Variants in ARHGAP42 observed in about 807,000 individuals in gnomAD.
ARHGAP42 encodes Rho GTPase activating protein 42.
In ARHGAP42, 63 loss-of-function variants were observed where a neutral mutation model predicts 125.0. That is an observed-to-expected ratio of 0.50 (90% CI 0.41 to 0.62). The LOEUF is 0.62. Ranked by LOEUF, ARHGAP42 falls within the 20% of genes least tolerant of loss-of-function variation. The pLI is 0.00. For missense variants in ARHGAP42, 766 were observed against 1,024.2 expected, an observed-to-expected ratio of 0.75 and a Z score of 3.44; for synonymous variants, 339 against 351.0, an observed-to-expected ratio of 0.97 and a Z score of 0.38.
chr11:100,693,732 G>GTT (rs1263301179), intron 1 of ARHGAP42, among the ~76,000 whole-genome samples: 5 of 152,176 alleles, frequency 3.3e-5, no homozygotes, highest in African/African-American at 1.2e-4. Flanking sequence ...GCCTGTTACA[G>GTT]TTATGATCAA....
At chr11:100,712,948 A>G (rs1861589214) in intron 1 of ARHGAP42, among the ~76,000 whole-genome samples, 1 of 152,220 alleles carries the variant, frequency 6.6e-6, no homozygotes, top group South Asian at 2.1e-4. Context: ...ATCTTTGAGC[A>G]GTGCCTCTTT....
At chr11:100,737,722 A>G (rs1862097497) in intron 1 of ARHGAP42, among the ~76,000 whole-genome samples, 1 of 152,334 alleles carries the variant, frequency 6.6e-6, no homozygotes, top group East Asian at 1.9e-4. Flanking sequence ...TGTTGAATGA[A>G]TGAACTCTCC....
intron 1 of ARHGAP42, among the ~76,000 whole-genome samples, chr11:100,765,293 A>G (rs1474797554): frequency 6.6e-6 from 1 of 152,216 alleles, no homozygotes; most frequent in Non-Finnish European, 1.5e-5. Context: ...CTACCCCTAC[A>G]CACTCAATCC....
At chr11:100,717,655 A>AC in intron 1 of ARHGAP42, among the ~76,000 whole-genome samples, 1 of 150,840 alleles carries the variant, frequency 6.6e-6, no homozygotes, top group Non-Finnish European at 1.5e-5. Context: ...AAAAAAAAAA[A>AC]AAGATTCCAT....
chr11:100,695,048 T>G (rs1344107154), intron 1 of ARHGAP42, among the ~76,000 whole-genome samples: 1 of 152,240 alleles, frequency 6.6e-6, no homozygotes, highest in East Asian at 1.9e-4. Flanking sequence ...TAGAAAATAA[T>G]AAAAACACTT....
intron 10 of ARHGAP42, among the ~76,000 whole-genome samples, chr11:100,947,367 A>C (rs911197519): frequency 6.6e-6 from 1 of 151,912 alleles, no homozygotes; most frequent in Non-Finnish European, 1.5e-5. Flanking sequence ...TGGATTTTCT[A>C]TGTAGACAAA....
intron 1 of ARHGAP42, among the ~76,000 whole-genome samples, chr11:100,699,212 C>T (rs991055143): frequency 6.6e-6 from 1 of 151,856 alleles, no homozygotes; most frequent in Non-Finnish European, 1.5e-5. Flanking sequence ...CAGACTCAAT[C>T]TGTCAAAAAA....
intron 3 of ARHGAP42, among the ~76,000 whole-genome samples, chr11:100,839,010 G>A (rs924678589): frequency 6.6e-6 from 1 of 151,814 alleles, no homozygotes; most frequent in Non-Finnish European, 1.5e-5. Flanking sequence ...GGCCATCCGT[G>A]TATTATATAC....
intron 3 of ARHGAP42, among the ~76,000 whole-genome samples, chr11:100,804,079 C>T (rs756302507): frequency 5.1e-4 from 78 of 152,206 alleles, no homozygotes; most frequent in Non-Finnish European, 9.1e-4. Flanking sequence ...AAGTGATCCT[C>T]CTGCCTCAGC....
At chr11:100,924,161 G>A (rs955062402) in intron 6 of ARHGAP42, among the ~76,000 whole-genome samples, 2 of 151,994 alleles carry the variant, frequency 1.3e-5, no homozygotes, top group East Asian at 1.9e-4. Context: ...TAACAAATAA[G>A]CATTAGAGTA....
intron 1 of ARHGAP42, among the ~76,000 whole-genome samples, chr11:100,766,632 C>T (rs990992075): frequency 6.6e-6 from 1 of 152,144 alleles, no homozygotes; most frequent in Non-Finnish European, 1.5e-5. Flanking sequence ...ATTGCACAGT[C>T]AGTAGGAGAT....
At chr11:100,788,208 T>A (rs896502329) in intron 2 of ARHGAP42, among the ~76,000 whole-genome samples, 3 of 152,220 alleles carry the variant, frequency 2.0e-5, no homozygotes, top group Non-Finnish European at 2.9e-5. Flanking sequence ...TTGGGATTCC[T>A]TGGCGATAGG....
intron 11 of ARHGAP42, among the ~76,000 whole-genome samples, chr11:100,949,588 C>T (rs480145): frequency 0.83 from 126,372 of 151,846 alleles, 52,661 homozygotes; most frequent in African/African-American, 0.87. Context: ...GAAGAAGGAG[C>T]AATTCCGGAA....
chr11:100,848,727 A>C (rs1699150877), intron 3 of ARHGAP42, among the ~76,000 whole-genome samples: 1 of 152,010 alleles, frequency 6.6e-6, no homozygotes, highest in Non-Finnish European at 1.5e-5. Context: ...GCTGATCTTG[A>C]ACTCCTGGCC....
chr11:100,847,505 G>A (rs1470838232), intron 3 of ARHGAP42, among the ~76,000 whole-genome samples: 1 of 152,294 alleles, frequency 6.6e-6, no homozygotes, highest in Admixed American at 6.5e-5. Context: ...GAAGGTTGTG[G>A]AGAGATGATA....
At chr11:100,711,530 C>T (rs1230008320) in intron 1 of ARHGAP42, among the ~76,000 whole-genome samples, 1 of 151,890 alleles carries the variant, frequency 6.6e-6, no homozygotes, top group Non-Finnish European at 1.5e-5. Context: ...AATTTTTTGT[C>T]TACTTTCTTT....
At chr11:100,719,467 G>A (rs770577471) in intron 1 of ARHGAP42, among the ~76,000 whole-genome samples, 3 of 152,160 alleles carry the variant, frequency 2.0e-5, no homozygotes, top group East Asian at 1.9e-4. Context: ...GATCAAGTCC[G>A]GTAGGAGCCA....
chr11:100,802,620 A>G (rs550797554), intron 3 of ARHGAP42, among the ~76,000 whole-genome samples: 4 of 102,676 alleles, frequency 3.9e-5, no homozygotes, highest in African/African-American at 1.5e-4. Context: ...TTTAGTAGAG[A>G]TGAGGTTTCA....
chr11:100,879,278 T>C (rs1027232622), intron 4 of ARHGAP42, among the ~76,000 whole-genome samples: 2 of 152,142 alleles, frequency 1.3e-5, no homozygotes, highest in African/African-American at 4.8e-5. Context: ...AGTAATGTGG[T>C]CCTCTCTATT....
Sources: allele counts gnomAD v4.1 joint callset (sites outside exome capture counted in the v4.1 genomes callset), GRCh38; gene constraint gnomAD v4.1.1; transcripts MANE v1.5; gene names NCBI Gene and HGNC (gene_info 2026-07-23, HGNC 2026-07-21).